DLGAP1: variants seen among roughly 807,000 people sequenced by gnomAD.
DLGAP1 encodes the protein disks large-associated protein 1.
In DLGAP1, 11 loss-of-function variants were observed where a neutral mutation model predicts 90.8. That is an observed-to-expected ratio of 0.12 (90% CI 0.08 to 0.20). The LOEUF (loss-of-function observed/expected upper bound fraction) is 0.20, where lower values mean the gene tolerates loss of function less well. Ranked by LOEUF, DLGAP1 falls within the 10% of genes least tolerant of loss-of-function variation. DLGAP1 has a pLI of 1.00. For missense variants in DLGAP1, 1,050 were observed against 1,333.8 expected (o/e 0.79, Z 3.31); for synonymous variants, 558 against 540.7 (o/e 1.03, Z -0.44).
At chr18:3,860,243 A>G (rs993282325) in intron 4 of DLGAP1, among the ~76,000 whole-genome samples, 5 of 152,214 alleles carry the variant, frequency 3.3e-5, no homozygotes, top group Non-Finnish European at 7.3e-5. Flanking sequence ...AATCTCTAAC[A>G]GTAACTTTTG....
At chr18:4,140,567 C>T (rs1385894526) in intron 2 of DLGAP1, among the ~76,000 whole-genome samples, 2 of 151,892 alleles carry the variant, frequency 1.3e-5, no homozygotes, top group African/African-American at 4.8e-5. Flanking sequence ...AGTTTATACA[C>T]CACAATTTAC....
At chr18:3,645,302 G>A (rs1455020966) in intron 7 of DLGAP1, among the ~76,000 whole-genome samples, 1 of 151,946 alleles carries the variant, frequency 6.6e-6, no homozygotes, top group African/African-American at 2.4e-5. Context: ...ATGTGGTCCA[G>A]GCTGCCATAT....
At chr18:3,593,965 G>C (rs2056425182) in intron 7 of DLGAP1, 1 of 148,796 alleles carries the variant, frequency 6.7e-6, no homozygotes, top group Non-Finnish European at 1.5e-5. Flanking sequence ...TGCATGTACT[G>C]TACAAAAATC....
intron 1 of DLGAP1, among the ~76,000 whole-genome samples, chr18:4,218,038 C>T (rs2077994307): frequency 6.6e-6 from 1 of 151,574 alleles, no homozygotes; most frequent in Non-Finnish European, 1.5e-5. Context: ...AGAAGTTTTA[C>T]AGTTATGCAA....
chr18:4,204,583 T>C (rs1189845322), intron 1 of DLGAP1, among the ~76,000 whole-genome samples: 4 of 151,270 alleles, frequency 2.6e-5, no homozygotes, highest in African/African-American at 9.7e-5. Context: ...TCACCATCAA[T>C]TTCACAGTGG....
Position 4,369,815 on chromosome 18 carries a change from TAAAAAAAA to T in DLGAP1, c.-267+85183_-267+85190del, listed in dbSNP as rs11387946. ...AAAGGTTGAAAGGAGAAAGTCTTAG[TAAAAAAAA>T]AAAAAAAAAAAAAAAAGGCGGGGGG... is the stretch of plus-strand genomic sequence containing the variant. On this transcript the variant is annotated intron_variant, in intron 1 of 12. Coordinates refer to ENST00000315677, the MANE Select transcript of DLGAP1 (RefSeq NM_004746.4). Among the ~76,000 whole-genome samples the T allele has an allele frequency of 5.2e-3, 389 of 74,660 alleles. 3 individuals are homozygous for T. The highest frequency in any genetic ancestry group is 0.018 in the African/African-American group (370 of 20,318). The allele number at this position is 74,660 out of a possible 152,430, so 49.0% of individuals were successfully genotyped here.
At chr18:4,385,245 A>G (rs1384738498) in intron 1 of DLGAP1, among the ~76,000 whole-genome samples, 1 of 152,116 alleles carries the variant, frequency 6.6e-6, no homozygotes, top group East Asian at 1.9e-4. Context: ...CGATGATCTC[A>G]GGCAGCATAT....
At chr18:4,376,669 G>A (rs1160523974) in intron 1 of DLGAP1, among the ~76,000 whole-genome samples, 2 of 152,136 alleles carry the variant, frequency 1.3e-5, no homozygotes, top group African/African-American at 2.4e-5. Context: ...GAACAGTCTT[G>A]TAAGAAAGTC....
intron 3 of DLGAP1, among the ~76,000 whole-genome samples, chr18:4,001,154 A>G (rs6506153): frequency 0.7 from 106,552 of 151,770 alleles, 37,542 homozygotes; most frequent in East Asian, 0.77. Flanking sequence ...AACTTTCTGC[A>G]GTGTTCATTC....
chr18:3,802,292 T>G (rs13381808), intron 5 of DLGAP1, among the ~76,000 whole-genome samples: 88,406 of 152,164 alleles, frequency 0.58, 26,935 homozygotes, highest in Non-Finnish European at 0.68. Flanking sequence ...ACGCAGGCCA[T>G]CTTTCTAAAA....
At chr18:3,680,836 C>T (rs531502843) in intron 7 of DLGAP1, among the ~76,000 whole-genome samples, 2 of 151,102 alleles carry the variant, frequency 1.3e-5, no homozygotes, top group East Asian at 1.9e-4. Flanking sequence ...ACTCATGACT[C>T]ATGGTAGTGT....
intron 4 of DLGAP1, among the ~76,000 whole-genome samples, chr18:3,855,626 T>A (rs1038967501): frequency 6.6e-6 from 1 of 152,112 alleles, no homozygotes; most frequent in Non-Finnish European, 1.5e-5. Context: ...TTAATTTATT[T>A]ATTTTGAGAC....
chr18:3,896,435 CTACCATATTTCATCATATTGTCTCG>C (rs2071627239), intron 3 of DLGAP1: 2 of 152,184 alleles, frequency 1.3e-5, no homozygotes, highest in Non-Finnish European at 2.9e-5. Context: ...AAGGATAATA[CTACCATATTTCATCATATTGTCTCG>C]TTTTAATACA....
chr18:3,967,939 C>T (rs190640488), intron 3 of DLGAP1, among the ~76,000 whole-genome samples: 59 of 152,234 alleles, frequency 3.9e-4, no homozygotes, highest in African/African-American at 1.4e-3. Flanking sequence ...TACTTCCCTT[C>T]TTAGGACTCC....
chr18:3,751,558 A>ATTT (rs71160916), intron 5 of DLGAP1, among the ~76,000 whole-genome samples: 1 of 117,866 alleles, frequency 8.5e-6, no homozygotes, highest in Non-Finnish European at 1.8e-5. Flanking sequence ...ACCCGACAAA[A>ATTT]TTTTTTTTTT....
chr18:3,836,667 T>G, intron 4 of DLGAP1, among the ~76,000 whole-genome samples: 1 of 152,176 alleles, frequency 6.6e-6, no homozygotes, highest in East Asian at 1.9e-4. Context: ...CCTAAAGGCA[T>G]CGCAAGGGTG....
At chr18:3,703,277 C>G (rs1239125973) in intron 7 of DLGAP1, among the ~76,000 whole-genome samples, 1 of 152,190 alleles carries the variant, frequency 6.6e-6, no homozygotes, top group Non-Finnish European at 1.5e-5. Context: ...CAACTGAGAG[C>G]CTTTGATTCA....
chr18:3,759,716 C>G (rs543753174), intron 5 of DLGAP1, among the ~76,000 whole-genome samples: 1 of 152,310 alleles, frequency 6.6e-6, no homozygotes, highest in East Asian at 1.9e-4. Context: ...CAGTGTAATT[C>G]ATGTTAAGCT....
chr18:3,540,296 G>A (rs2052615769), intron 9 of DLGAP1, among the ~76,000 whole-genome samples: 1 of 151,390 alleles, frequency 6.6e-6, no homozygotes, highest in African/African-American at 2.4e-5. Context: ...GCAAAATCCC[G>A]TCTCCACTAA....
Sources: allele counts gnomAD v4.1 joint callset (sites outside exome capture counted in the v4.1 genomes callset), GRCh38; gene constraint gnomAD v4.1.1; transcripts MANE v1.5; gene names NCBI Gene and HGNC (gene_info 2026-07-23, HGNC 2026-07-21).